Variants in SUMF1 observed in about 807,000 individuals in gnomAD.
SUMF1 encodes the protein sulfatase modifying factor 1.
Under a neutral mutation model 47.6 loss-of-function variants are expected in SUMF1, and 48 were observed. The ratio of observed to expected loss-of-function variants is 1.01; its 90% CI spans 0.80 to 1.28. The LOEUF is 1.28. Ranked by LOEUF, SUMF1 falls within the 50% of genes most tolerant of loss-of-function variation. The probability of loss-of-function intolerance (pLI) is 0.00; values close to 1 mark genes in which losing one functional copy is unlikely to be tolerated. For missense variants in SUMF1, 571 were observed against 485.4 expected, an observed-to-expected ratio of 1.18 and a Z score of -1.66; for synonymous variants, 230 against 192.1, an observed-to-expected ratio of 1.20 and a Z score of -1.63.
chr3:4,416,414 T>C (rs1334607116), intron 6 of SUMF1, among the ~76,000 whole-genome samples: 1 of 152,208 alleles, frequency 6.6e-6, no homozygotes, highest in African/African-American at 2.4e-5. Context: ...TAATGACAGA[T>C]GAAACGTTTC....
intron 8 of SUMF1, among the ~76,000 whole-genome samples, chr3:4,217,491 T>C (rs371350360): frequency 8.5e-6 from 1 of 117,546 alleles, no homozygotes; most frequent in South Asian, 2.9e-4. Context: ...TGTACACATG[T>C]ATCCCAGAAC....
chr3:4,232,548 A>G (rs554712955), intron 8 of SUMF1, among the ~76,000 whole-genome samples: 28 of 152,094 alleles, frequency 1.8e-4, no homozygotes, highest in Non-Finnish European at 2.9e-4. Flanking sequence ...TGGTCCCTCA[A>G]AGGAAATCAG....
intron 8 of SUMF1, among the ~76,000 whole-genome samples, chr3:4,102,796 G>A (rs1459400972): frequency 2.0e-5 from 3 of 151,984 alleles, no homozygotes; most frequent in Non-Finnish European, 4.4e-5. Context: ...ACTTGATAGG[G>A]TGAAGGAAGG....
chr3:4,236,276 A>G (rs1485364906), intron 8 of SUMF1, among the ~76,000 whole-genome samples: 4 of 152,138 alleles, frequency 2.6e-5, no homozygotes, highest in Non-Finnish European at 5.9e-5. Context: ...AATAAATGTG[A>G]GCTAACTTTC....
chr3:4,104,074 G>T (rs1276574702), intron 8 of SUMF1, among the ~76,000 whole-genome samples: 1 of 152,086 alleles, frequency 6.6e-6, no homozygotes, highest in African/African-American at 2.4e-5. Flanking sequence ...GTTTTTCTGT[G>T]TCCCCACCCA....
intron 7 of SUMF1, among the ~76,000 whole-genome samples, chr3:4,393,955 A>G (rs1008473823): frequency 1.3e-5 from 2 of 152,176 alleles, no homozygotes; most frequent in Non-Finnish European, 2.9e-5. Flanking sequence ...GGATCACAAC[A>G]AGAATGGAAT....
At chr3:4,273,816 T>TAC (rs1559640532) in intron 8 of SUMF1, among the ~76,000 whole-genome samples, 68 of 4,656 alleles carry the variant, frequency 0.015, 1 homozygote, top group East Asian at 0.018. Flanking sequence ...GGGGAGGGCA[T>TAC]GGGAGGGGAG....
At chr3:4,152,689 C>CAA (rs1362446703) in intron 8 of SUMF1, among the ~76,000 whole-genome samples, 3 of 151,412 alleles carry the variant, frequency 2.0e-5, no homozygotes, top group African/African-American at 4.9e-5. Flanking sequence ...TTCTATAAAT[C>CAA]AAACTGTCTA....
chr3:4,112,003 A>C (rs1162744600), intron 8 of SUMF1, among the ~76,000 whole-genome samples: 1 of 152,158 alleles, frequency 6.6e-6, no homozygotes, highest in Non-Finnish European at 1.5e-5. Context: ...GTATACATAA[A>C]TGACAGGAAA....
intron 3 of SUMF1, among the ~76,000 whole-genome samples, chr3:4,427,508 T>G (rs793391): frequency 0.22 from 33,821 of 152,150 alleles, 4,897 homozygotes; most frequent in Non-Finnish European, 0.32. Context: ...GAATAAAGGC[T>G]AAAAACAAAT....
At chr3:4,114,982 A>G (rs74283053) in intron 8 of SUMF1, among the ~76,000 whole-genome samples, 7,758 of 151,990 alleles carry the variant, frequency 0.051, 540 homozygotes, top group East Asian at 0.16. Flanking sequence ...GCCTGTGCCC[A>G]CGGAACTAGG....
At chr3:4,163,907 C>T (rs1420714314) in intron 8 of SUMF1, among the ~76,000 whole-genome samples, 1 of 152,036 alleles carries the variant, frequency 6.6e-6, no homozygotes, top group Non-Finnish European at 1.5e-5. Context: ...TTTCTACAGC[C>T]CTGCCCTGGA....
At position 4,280,046 on chromosome 3, in the gene SUMF1, A is replaced by G. The variant is rs1407382273; in HGVS notation, c.1014+96284T>C. On this transcript the variant is annotated intron_variant and NMD_transcript_variant, in intron 8 of 12. Transcript: ENST00000448413. ...ACTAGCCATCTGTAAGAAGACAACAATTCCAGTTTTGAAAACCACTAAGAC... is the reference window on the plus strand; with the variant it reads ...ACTAGCCATCTGTAAGAAGACAACAGTTCCAGTTTTGAAAACCACTAAGAC... 2.6e-5 allele frequency among the ~76,000 whole-genome samples: 4 copies of G among 152,202 alleles called. 1 individual carries two copies. The highest frequency in any genetic ancestry group is 2.6e-4 in the Admixed American group (4 of 15,276).
chr3:4,139,238 G>T (rs1694015774), intron 8 of SUMF1, among the ~76,000 whole-genome samples: 1 of 151,900 alleles, frequency 6.6e-6, no homozygotes, highest in African/African-American at 2.4e-5. Flanking sequence ...ATTGACAAAA[G>T]AGTAAATTTC....
chr3:4,430,605 G>A (rs758117045), intron 3 of SUMF1, among the ~76,000 whole-genome samples: 14 of 142,436 alleles, frequency 9.8e-5, no homozygotes, highest in Non-Finnish European at 1.6e-4. Flanking sequence ...TACGCATTCC[G>A]CAAATACTTG....
At chr3:4,386,538 T>C (rs943448939) in intron 7 of SUMF1, among the ~76,000 whole-genome samples, 1 of 152,136 alleles carries the variant, frequency 6.6e-6, no homozygotes, top group African/African-American at 2.4e-5. Context: ...AACACTCATA[T>C]ATCTGCAAAT....
intron 8 of SUMF1, among the ~76,000 whole-genome samples, chr3:4,294,765 A>T (rs1211809753): frequency 6.7e-6 from 1 of 149,984 alleles, no homozygotes; most frequent in Non-Finnish European, 1.5e-5. Flanking sequence ...CTGGAGTTCT[A>T]AAAAAAAACA....
intron 8 of SUMF1, among the ~76,000 whole-genome samples, chr3:4,128,311 C>T (rs1370681899): frequency 2.0e-5 from 3 of 152,130 alleles, no homozygotes; most frequent in African/African-American, 7.2e-5. Context: ...ATATTGGGCC[C>T]TGAAACTTGG....
At chr3:4,138,423 CT>C (rs1010231635) in intron 8 of SUMF1, among the ~76,000 whole-genome samples, 1 of 152,082 alleles carries the variant, frequency 6.6e-6, no homozygotes, top group Non-Finnish European at 1.5e-5. Context: ...ATGATGGGGG[CT>C]TTTGGATATT....
Sources: gnomAD v4.1 joint callset for allele counts (sites outside exome capture counted in the v4.1 genomes callset) on GRCh38, gnomAD v4.1.1 for gene constraint, MANE v1.5 for transcripts, NCBI Gene and HGNC (gene_info 2026-07-23, HGNC 2026-07-21) for gene names.